The following SKAP2 variants were observed in gnomAD, a reference collection of about 807,000 sequenced individuals.
The protein encoded by SKAP2 is src kinase-associated phosphoprotein 2.
SKAP2 carries 28 observed loss-of-function variants against 54.9 expected under a neutral mutation model. That is an observed-to-expected ratio of 0.51 (90% CI 0.38 to 0.70). SKAP2 has a LOEUF of 0.70. SKAP2 is among the 30% of genes least tolerant of loss of function. The pLI is 0.00. For synonymous variants in SKAP2, 137 were observed against 134.3 expected (o/e 1.02, Z -0.14); for missense variants, 356 against 424.1 (o/e 0.84, Z 1.41).
chr7:26,741,340 G>A (rs1305888624), intron 4 of SKAP2, among the ~76,000 whole-genome samples: 1 of 151,996 alleles, frequency 6.6e-6, no homozygotes, highest in Non-Finnish European at 1.5e-5. Flanking sequence ...AACACAGTGA[G>A]ACCCCCATCT....
chr7:26,813,132 G>A (rs1784191280), intron 4 of SKAP2, among the ~76,000 whole-genome samples: 1 of 152,038 alleles, frequency 6.6e-6, no homozygotes, highest in Non-Finnish European at 1.5e-5. Context: ...AAAATTATTA[G>A]TTAAATTTTC....
chr7:26,759,984 C>T (rs184520831), intron 4 of SKAP2, among the ~76,000 whole-genome samples: 1 of 152,120 alleles, frequency 6.6e-6, no homozygotes, highest in Admixed American at 6.5e-5. Flanking sequence ...AGATGCATTT[C>T]CACACTGAAA....
intron 8 of SKAP2, 91 bp from the exon 9 acceptor site, chr7:26,725,656 C>T (rs2127955914): frequency 1.7e-6 from 2 of 1,203,076 alleles, no homozygotes; most frequent in Non-Finnish European, 2.3e-6. Context: ...CCCTACAAAG[C>T]AACAACAATA....
intron 4 of SKAP2, among the ~76,000 whole-genome samples, chr7:26,757,392 G>C (rs926230223): frequency 2.6e-5 from 4 of 152,078 alleles, no homozygotes; most frequent in African/African-American, 9.7e-5. Context: ...TCTACATATG[G>C]CTGGCCAGTT....
At chr7:26,855,510 T>C in intron 1 of SKAP2, among the ~76,000 whole-genome samples, 1 of 152,144 alleles carries the variant, frequency 6.6e-6, no homozygotes, top group Non-Finnish European at 1.5e-5. Context: ...TGTGTAGTTT[T>C]GTGAGCTCTT....
intron 4 of SKAP2, among the ~76,000 whole-genome samples, chr7:26,803,738 C>T (rs1414248446): frequency 6.6e-6 from 1 of 152,006 alleles, no homozygotes; most frequent in Non-Finnish European, 1.5e-5. Context: ...AAACAGATGA[C>T]TGGATAAAGA....
At chr7:26,715,547 C>T (rs140129474) in intron 9 of SKAP2, among the ~76,000 whole-genome samples, 5,448 of 151,890 alleles carry the variant, frequency 0.036, 325 homozygotes, top group African/African-American at 0.12. Context: ...AAAGCCGAGG[C>T]GGGTGGATCA....
chr7:26,724,796 T>C (rs912555558), intron 9 of SKAP2, among the ~76,000 whole-genome samples: 8 of 152,164 alleles, frequency 5.3e-5, no homozygotes, highest in Non-Finnish European at 4.4e-5. Context: ...GTCAAGTAGC[T>C]AATAGATAAT....
intron 4 of SKAP2, among the ~76,000 whole-genome samples, chr7:26,808,277 T>C (rs1784069820): frequency 6.6e-6 from 1 of 152,184 alleles, no homozygotes; most frequent in African/African-American, 2.4e-5. Context: ...TAGAATATTA[T>C]TAGCTTTAAA....
At chr7:26,769,023 T>G (rs1037712242) in intron 4 of SKAP2, among the ~76,000 whole-genome samples, 1 of 152,224 alleles carries the variant, frequency 6.6e-6, no homozygotes, top group Non-Finnish European at 1.5e-5. Context: ...GCTGGGGAAG[T>G]TCTCCTGGAT....
At chr7:26,666,268 G>A (rs539921787), downstream of SKAP2, among the ~76,000 whole-genome samples, 139 of 152,246 alleles carry the variant, frequency 9.1e-4, no homozygotes, top group African/African-American at 3.2e-3. Context: ...TCTCACTGAT[G>A]AAGTTCAAGC....
chr7:26,840,710 GA>G (rs1404959877), intron 4 of SKAP2, among the ~76,000 whole-genome samples: 1 of 151,504 alleles, frequency 6.6e-6, no homozygotes, highest in Non-Finnish European at 1.5e-5. Context: ...TTGTTTTCCA[GA>G]AAAAAATCAA....
chr7:26,744,401 T>C (rs1782516353), intron 4 of SKAP2, among the ~76,000 whole-genome samples: 4 of 152,064 alleles, frequency 2.6e-5, no homozygotes, highest in Admixed American at 2.6e-4. Context: ...GACAATTGCA[T>C]TACTGTATTT....
intron 9 of SKAP2, among the ~76,000 whole-genome samples, chr7:26,692,315 G>C (rs900286291): frequency 6.6e-6 from 1 of 152,156 alleles, no homozygotes; most frequent in Non-Finnish European, 1.5e-5. Flanking sequence ...AACACAAAGA[G>C]TTGTGTTTTC....
chr7:26,733,512 A>C (rs943700811), intron 6 of SKAP2, among the ~76,000 whole-genome samples: 1 of 152,110 alleles, frequency 6.6e-6, no homozygotes, highest in African/African-American at 2.4e-5. Flanking sequence ...CTGTCACTTT[A>C]ACATATTCAA....
At position 26,724,356 on chromosome 7, in the gene SKAP2, G is replaced by T. The variant is rs962956093; in HGVS notation, c.796+1072C>A. On this transcript the variant is annotated intron_variant, in intron 9 of 12. Coordinates refer to ENST00000345317, the MANE Select transcript of SKAP2 (RefSeq NM_003930.5). ...AATCACTTCACCTACCCCTCCCAAT[G>T]ACATTATTTCCATTTTATAAATGAA... is the stretch of plus-strand genomic sequence containing the variant. Among the ~76,000 whole-genome samples the T allele has an allele frequency of 2.6e-5, 4 of 152,012 alleles. No individual in the cohort carries two copies. The East Asian group carries it at 7.7e-4, about 29-fold the overall frequency.
At chr7:26,853,326 A>C (rs1403783974) in intron 3 of SKAP2, among the ~76,000 whole-genome samples, 2 of 152,136 alleles carry the variant, frequency 1.3e-5, no homozygotes, top group Non-Finnish European at 2.9e-5. Flanking sequence ...AGGTTAACTA[A>C]CCTCATATTG....
At chr7:26,748,364 G>A (rs776332122) in intron 4 of SKAP2, among the ~76,000 whole-genome samples, 9 of 151,920 alleles carry the variant, frequency 5.9e-5, no homozygotes, top group South Asian at 4.2e-4. Context: ...AATTATTTCC[G>A]GGGAAGATAG....
chr7:26,744,815 A>T (rs1005542874), intron 4 of SKAP2, among the ~76,000 whole-genome samples: 15 of 152,222 alleles, frequency 9.9e-5, no homozygotes, highest in African/African-American at 3.6e-4. Flanking sequence ...TTTTTCTAAG[A>T]CAATATAAGA....
Sources: gnomAD v4.1 joint callset for allele counts (sites outside exome capture counted in the v4.1 genomes callset) on GRCh38, gnomAD v4.1.1 for gene constraint, MANE v1.5 for transcripts, NCBI Gene and HGNC (gene_info 2026-07-23, HGNC 2026-07-21) for gene names.